Variants in KCTD1 observed in about 807,000 individuals in gnomAD.
The protein encoded by KCTD1 is BTB/POZ domain-containing protein KCTD1.
Under a neutral mutation model 66.0 loss-of-function variants are expected in KCTD1, and 24 were observed. That is an observed-to-expected ratio of 0.36 (90% CI 0.26 to 0.51). The LOEUF is 0.51. Ranked by LOEUF, KCTD1 falls within the 20% of genes least tolerant of loss-of-function variation. The probability of loss-of-function intolerance (pLI) is 0.95; values close to 1 mark genes in which losing one functional copy is unlikely to be tolerated. For missense variants in KCTD1, 943 were observed against 1,205.2 expected, an observed-to-expected ratio of 0.78 and a Z score of 3.22; for synonymous variants, 511 against 517.2, an observed-to-expected ratio of 0.99 and a Z score of 0.16.
At chr18:26,618,484 A>C (rs922751664) in intron 1 of KCTD1, among the ~76,000 whole-genome samples, 1 of 152,226 alleles carries the variant, frequency 6.6e-6, no homozygotes, top group African/African-American at 2.4e-5. Flanking sequence ...AGGACTCAAG[A>C]AAACACATTC....
At chr18:26,642,716 C>G (rs1987855045), upstream of KCTD1, among the ~76,000 whole-genome samples, 1 of 152,188 alleles carries the variant, frequency 6.6e-6, no homozygotes, top group African/African-American at 2.4e-5. Flanking sequence ...GCGTGAAACA[C>G]TGAAAGACTG....
intron 2 of KCTD1, among the ~76,000 whole-genome samples, chr18:26,495,706 T>G (rs1161721088): frequency 6.6e-6 from 1 of 152,140 alleles, no homozygotes; most frequent in Non-Finnish European, 1.5e-5. Flanking sequence ...GTTGGATGGC[T>G]GAGGGGACTG....
chr18:26,485,338 C>A (rs571944790), intron 2 of KCTD1, among the ~76,000 whole-genome samples: 12 of 152,282 alleles, frequency 7.9e-5, no homozygotes, highest in African/African-American at 2.9e-4. Context: ...CCGCAGGGCC[C>A]AGCTGGGACC....
At chr18:26,626,022 G>A (rs146587664) in intron 1 of KCTD1, among the ~76,000 whole-genome samples, 92 of 152,224 alleles carry the variant, frequency 6.0e-4, no homozygotes, top group African/African-American at 2.1e-3. Flanking sequence ...TGGATGTGAA[G>A]CCTGGAACTG....
chr18:26,482,845 G>A (rs1238240841), intron 2 of KCTD1, among the ~76,000 whole-genome samples: 1 of 152,218 alleles, frequency 6.6e-6, no homozygotes, highest in Non-Finnish European at 1.5e-5. Flanking sequence ...CTGCTCAGGG[G>A]TGAGGCTGGG....
At chr18:26,462,819 G>A (rs1262439010) in intron 3 of KCTD1, among the ~76,000 whole-genome samples, 1 of 152,284 alleles carries the variant, frequency 6.6e-6, no homozygotes, top group East Asian at 1.9e-4. Context: ...TTAAAGTTTA[G>A]TGTGTTTCTG....
intron 1 of KCTD1, among the ~76,000 whole-genome samples, chr18:26,558,940 G>T (rs1436643734): frequency 6.9e-6 from 1 of 145,798 alleles, no homozygotes; most frequent in African/African-American, 2.5e-5. Context: ...AGCAAAAAAA[G>T]AAAAAAAAAA....
intron 1 of KCTD1, among the ~76,000 whole-genome samples, chr18:26,637,277 C>T (rs1030544919): frequency 2.6e-5 from 4 of 152,212 alleles, no homozygotes; most frequent in Non-Finnish European, 5.9e-5. Context: ...CATGCTCCTT[C>T]TGAACCCCGG....
chr18:26,625,135 G>T (rs1396015274), intron 1 of KCTD1, among the ~76,000 whole-genome samples: 2 of 152,184 alleles, frequency 1.3e-5, no homozygotes, highest in Non-Finnish European at 2.9e-5. Flanking sequence ...TTTTGATTTT[G>T]CAGGTTCATA....
intron 1 of KCTD1, among the ~76,000 whole-genome samples, chr18:26,596,549 G>A (rs1389419875): frequency 6.6e-6 from 1 of 152,234 alleles, no homozygotes; most frequent in African/African-American, 2.4e-5. Flanking sequence ...GATTTCTGAT[G>A]AGGGAGTTTG....
In KCTD1 at chr18:26,546,862, G is replaced by T. The variant is rs540211025; in HGVS notation, c.1675C>A (p.Pro559Thr). Residue 559 changes from proline (P) to threonine (T), a missense_variant, in exon 1 of 5, where the codon CCC becomes ACC. Coordinates refer to ENST00000580059, the MANE Select transcript of KCTD1 (RefSeq NM_001142730.3). The stretch of plus-strand genomic sequence containing the variant: ...ACCACCGCATCCACAGGCTCCGAGG[G>T]GCGGATACAAAGTCTTTTGGGGGAA... ...PTSPKRLCIRPSEPVDAVVVV... is the reference protein window; with the variant it reads ...PTSPKRLCIRTSEPVDAVVVV... The T allele has an allele frequency of 2.7e-6, 4 of 1,506,200 alleles. No individual in the cohort carries two copies. The South Asian group carries it at 4.0e-5, about 15-fold the overall frequency. 93.3% of individuals were successfully genotyped at this position (1,506,200 alleles called of 1,614,324 possible).
intron 1 of KCTD1, among the ~76,000 whole-genome samples, chr18:26,594,297 G>A (rs1425150764): frequency 6.6e-6 from 1 of 152,160 alleles, no homozygotes; most frequent in African/African-American, 2.4e-5. Flanking sequence ...AATGTATGCT[G>A]CATTCTCTAA....
intron 1 of KCTD1, among the ~76,000 whole-genome samples, chr18:26,563,542 A>C (rs1361477300): frequency 6.6e-6 from 1 of 152,156 alleles, no homozygotes; most frequent in Non-Finnish European, 1.5e-5. Flanking sequence ...ATGATTTCAC[A>C]TGTTACCTCC....
At chr18:26,645,196 G>A (rs1191812474), upstream of KCTD1, among the ~76,000 whole-genome samples, 2 of 152,156 alleles carry the variant, frequency 1.3e-5, no homozygotes, top group South Asian at 2.1e-4. Context: ...CTTCAAAAGA[G>A]GGTATCATGT....
At chr18:26,592,980 C>T (rs1246416121) in intron 1 of KCTD1, among the ~76,000 whole-genome samples, 2 of 152,206 alleles carry the variant, frequency 1.3e-5, no homozygotes, top group Non-Finnish European at 2.9e-5. Context: ...ACAGCTGATG[C>T]TCAGTGAAGC....
At chr18:26,469,579 G>A (rs933631274) in intron 3 of KCTD1, among the ~76,000 whole-genome samples, 12 of 152,122 alleles carry the variant, frequency 7.9e-5, no homozygotes, top group African/African-American at 2.9e-4. Flanking sequence ...ATTCTTTTGT[G>A]ATTCCCTGCA....
upstream of KCTD1, among the ~76,000 whole-genome samples, chr18:26,644,370 G>A (rs1314848546): frequency 6.6e-6 from 1 of 152,118 alleles, no homozygotes; most frequent in Admixed American, 6.6e-5. Flanking sequence ...AGAGTTAAGG[G>A]TGGCAGTGAG....
rs550537610 is a variant in KCTD1, at chr18:26,652,473, TCCAA to T, written c.9+4883_9+4886del. 1.3e-3 allele frequency among the ~76,000 whole-genome samples: 196 copies of T among 152,338 alleles called. 1 individual carries two copies. The highest frequency in any genetic ancestry group is 4.6e-3 in the African/African-American group (190 of 41,576). ...TATGTAAACGGACTTTTAAAAAGCA[TCCAA>T]CCATTCATTTCATAATCATCTGACA... is the stretch of plus-strand genomic sequence containing the variant. On this transcript the variant is annotated intron_variant, in intron 1 of 4. Transcript: ENST00000580191.
intron 1 of KCTD1, among the ~76,000 whole-genome samples, chr18:26,621,977 G>A (rs1254855075): frequency 6.6e-6 from 1 of 152,212 alleles, no homozygotes; most frequent in East Asian, 1.9e-4. Context: ...ATGGGCTAAT[G>A]AAAGGGCGCT....
Sources: gnomAD v4.1 joint callset for allele counts (sites outside exome capture counted in the v4.1 genomes callset) on GRCh38, gnomAD v4.1.1 for gene constraint, MANE v1.5 for transcripts, NCBI Gene and HGNC (gene_info 2026-07-23, HGNC 2026-07-21) for gene names.